Variants in TMEM164 observed in about 807,000 individuals in gnomAD.
TMEM164 encodes the protein RP13-360B22.2.
TMEM164 carries 4 observed loss-of-function variants against 18.8 expected under a neutral mutation model. The ratio of observed to expected loss-of-function variants is 0.21; its 90% CI spans 0.10 to 0.49. The LOEUF (loss-of-function observed/expected upper bound fraction) is 0.49, where lower values mean the gene tolerates loss of function less well. TMEM164 is among the 20% of genes least tolerant of loss of function. The probability of loss-of-function intolerance (pLI) is 0.98; values close to 1 mark genes in which losing one functional copy is unlikely to be tolerated. For missense variants in TMEM164, 108 were observed against 239.9 expected (o/e 0.45, Z 3.63); for synonymous variants, 86 against 101.7 (o/e 0.85, Z 0.93).
At chrX:110,121,534 ATTCC>A (rs1442673203) in intron 4 of TMEM164, among the ~76,000 whole-genome samples, 2 of 112,266 alleles carry the variant, frequency 1.8e-5, no homozygotes, top group Admixed American at 1.9e-4. Flanking sequence ...TCAGTACTTC[ATTCC>A]TTTTTACGGC....
chrX:110,105,750 TGAGAGAGAGAGAGAGAGAGAGA>T (rs59866982), intron 3 of TMEM164, among the ~76,000 whole-genome samples: 8 of 72,173 alleles, frequency 1.1e-4, no homozygotes, highest in African/African-American at 3.8e-4. Context: ...AGAGAGAGAA[TGAGAGAGAGAGAGAGAGAGAGA>T]GAGAGAGAGA....
In TMEM164 at chrX:110,109,074, C is replaced by A. The variant is rs184335078; in HGVS notation, c.441-6C>A. On this transcript the variant is annotated splice_polypyrimidine_tract_variant and splice_region_variant and intron_variant, in intron 3 of 6. Coordinates refer to ENST00000372068, the MANE Select transcript of TMEM164 (RefSeq NM_032227.4). ...TGACCTGAACTTTATCTTTCTCCCCCTCTAGGCTACAGATGCACATGTTGA... is the reference window on the plus strand; with the variant it reads ...TGACCTGAACTTTATCTTTCTCCCCATCTAGGCTACAGATGCACATGTTGA... 2 of 1,209,693 alleles carry A rather than the reference C, an allele frequency of 1.7e-6. No homozygotes were observed. Among genetic ancestry groups the A allele is most frequent in the Non-Finnish European group, 2.2e-6 (2 of 893,927 alleles).
chrX:110,021,735 G>C (rs970744797), intron 2 of TMEM164, among the ~76,000 whole-genome samples: 1 of 111,989 alleles, frequency 8.9e-6, no homozygotes, highest in African/African-American at 3.3e-5. Flanking sequence ...TAATGGTTGG[G>C]GACTAGGCTG....
intron 2 of TMEM164, among the ~76,000 whole-genome samples, chrX:110,034,833 A>G (rs1212362421): frequency 6.8e-5 from 7 of 103,173 alleles, no homozygotes; most frequent in African/African-American, 2.5e-4. Context: ...ATGTCCAACA[A>G]TGATAGACTG....
chrX:110,075,907 G>A (rs1411013334), intron 3 of TMEM164, among the ~76,000 whole-genome samples: 1 of 110,252 alleles, frequency 9.1e-6, no homozygotes, highest in Non-Finnish European at 1.9e-5. Flanking sequence ...CAGGGATATT[G>A]GCCTGTAGTT....
chrX:110,074,541 T>C (rs908629738), intron 3 of TMEM164, among the ~76,000 whole-genome samples: 1 of 111,873 alleles, frequency 8.9e-6, no homozygotes, highest in African/African-American at 3.2e-5. Context: ...CCATGGCCAA[T>C]GTCAAGAAGG....
rs918390596 is a variant in TMEM164 at position 110,003,129 on chromosome X, G to T, written c.-324G>T. 1.8e-5 allele frequency: 2 copies of T among 112,628 alleles called. No homozygotes were observed. The highest frequency in any genetic ancestry group is 3.8e-5 in the Non-Finnish European group (2 of 53,209). 9.3% of individuals were successfully genotyped at this position (112,628 alleles called of 1,213,427 possible). On this transcript the variant is annotated 5_prime_UTR_variant, in exon 1 of 7. Coordinates refer to ENST00000372068, the MANE Select transcript of TMEM164 (RefSeq NM_032227.4). ...CGTCGGCGGCGAAGTTGCTAGCTGG[G>T]GGCAGAGACGGCCACGCGGTTGCAG...
chrX:110,102,275 C>T (rs2066123733), intron 3 of TMEM164, among the ~76,000 whole-genome samples: 1 of 110,603 alleles, frequency 9.0e-6, no homozygotes, highest in Non-Finnish European at 1.9e-5. Flanking sequence ...ACCTGGGAGG[C>T]GGACGTTGTA....
intron 4 of TMEM164, among the ~76,000 whole-genome samples, chrX:110,132,260 T>C (rs1481486811): frequency 2.7e-5 from 3 of 111,875 alleles, no homozygotes; most frequent in African/African-American, 9.8e-5. Context: ...TATAGCCTGC[T>C]TTAATTTTAT....
intron 2 of TMEM164, among the ~76,000 whole-genome samples, chrX:110,039,865 G>C (rs930343140): frequency 9.0e-6 from 1 of 111,414 alleles, no homozygotes; most frequent in African/African-American, 3.3e-5. Flanking sequence ...TTGTACTGCC[G>C]GGGCAAGGTT....
intron 6 of TMEM164, 132 bp from the exon 7 acceptor site, chrX:110,173,113 C>T (rs1409527489): frequency 7.9e-6 from 5 of 632,896 alleles, no homozygotes; most frequent in Admixed American, 3.2e-5. Context: ...GAAGAAATCC[C>T]TTTATAAACA....
chrX:110,079,744 C>T (rs926173519), intron 3 of TMEM164, among the ~76,000 whole-genome samples: 10 of 107,651 alleles, frequency 9.3e-5, no homozygotes, highest in South Asian at 4.1e-4. Context: ...GAACAAGATA[C>T]GAATTGATGT....
At chrX:110,066,917 G>A (rs749289962) in intron 2 of TMEM164, among the ~76,000 whole-genome samples, 41 of 111,694 alleles carry the variant, frequency 3.7e-4, no homozygotes, top group African/African-American at 1.3e-3. Flanking sequence ...TCTGCAATTC[G>A]AATGTAACTG....
intron 2 of TMEM164, among the ~76,000 whole-genome samples, chrX:110,066,857 C>G (rs1157097862): frequency 2.7e-5 from 3 of 111,323 alleles, no homozygotes; most frequent in Non-Finnish European, 5.7e-5. Context: ...ATAGGGTTGC[C>G]AGCTAAAATA....
intron 3 of TMEM164, among the ~76,000 whole-genome samples, chrX:110,086,530 C>A (rs1365818960): frequency 1.8e-5 from 2 of 109,952 alleles, no homozygotes; most frequent in Non-Finnish European, 3.8e-5. Flanking sequence ...TGTGAATGTA[C>A]TTAATGGCAC....
chrX:110,124,846 C>G (rs1297701703), intron 4 of TMEM164, among the ~76,000 whole-genome samples: 2 of 112,102 alleles, frequency 1.8e-5, no homozygotes, highest in African/African-American at 6.5e-5. Context: ...ACACAAACAC[C>G]TATCCCTGGA....
intron 5 of TMEM164, among the ~76,000 whole-genome samples, chrX:110,167,792 C>G (rs968379868): frequency 1.4e-4 from 16 of 111,737 alleles, no homozygotes; most frequent in African/African-American, 5.2e-4. Flanking sequence ...CAGCCCCTCT[C>G]TCAGAGAACT....
At chrX:110,011,833 G>A (rs1933023071) in intron 2 of TMEM164, among the ~76,000 whole-genome samples, 2 of 111,994 alleles carry the variant, frequency 1.8e-5, no homozygotes, top group Non-Finnish European at 3.8e-5. Flanking sequence ...TAAGTTCGCA[G>A]AGTTGCTTCC....
At chrX:110,016,464 G>C (rs1933376307) in intron 2 of TMEM164, among the ~76,000 whole-genome samples, 1 of 111,556 alleles carries the variant, frequency 9.0e-6, no homozygotes, top group South Asian at 3.7e-4. Flanking sequence ...GGGCAAAAAA[G>C]AGTCGAATTT....
Sources: allele counts gnomAD v4.1 joint callset (sites outside exome capture counted in the v4.1 genomes callset), GRCh38; gene constraint gnomAD v4.1.1; transcripts MANE v1.5; gene names NCBI Gene and HGNC (gene_info 2026-07-23, HGNC 2026-07-21).